ARHGEF3: variants seen among roughly 807,000 people sequenced by gnomAD.
ARHGEF3 encodes the protein 59.8 kDA protein.
Under a neutral mutation model 63.2 loss-of-function variants are expected in ARHGEF3, and 28 were observed. The ratio of observed to expected loss-of-function variants is 0.44; its 90% confidence interval spans 0.33 to 0.61. The LOEUF is 0.61. ARHGEF3 is among the 20% of genes least tolerant of loss of function. The pLI is 0.03. For missense variants in ARHGEF3, 533 were observed against 659.3 expected, an observed-to-expected ratio of 0.81 and a Z score of 2.10; for synonymous variants, 266 against 254.2, an observed-to-expected ratio of 1.05 and a Z score of -0.44.
At chr3:57,007,294 C>A (rs1313006968) in intron 2 of ARHGEF3, 2 of 1,289,644 alleles carry the variant, frequency 1.6e-6, no homozygotes, top group Non-Finnish European at 2.0e-6. Flanking sequence ...ACCAGTTGTT[C>A]CTGCCATTGA....
rs1477303100 is a variant in ARHGEF3 at position 56,758,206 on chromosome 3, G to A, written c.205-3055C>T. Reference sequence around the variant, plus strand: ...TGAGGCAGAAGAATTGCTTGAACCCGTGAAGTGGAGATTGTAGTAAGCTGA... The same window carrying A: ...TGAGGCAGAAGAATTGCTTGAACCCATGAAGTGGAGATTGTAGTAAGCTGA... On this transcript the variant is annotated intron_variant, in intron 2 of 9. Transcript: ENST00000296315. Among the ~76,000 whole-genome samples the A allele has an allele frequency of 2.6e-5, 4 of 151,508 alleles. No individual in the cohort carries two copies. The East Asian group carries it at 5.9e-4, about 22-fold the overall frequency.
chr3:57,045,961 T>C (rs574480959), intron 1 of ARHGEF3, among the ~76,000 whole-genome samples: 1 of 152,328 alleles, frequency 6.6e-6, no homozygotes, highest in South Asian at 2.1e-4. Flanking sequence ...CTCGTTATCA[T>C]TCATTACTTG....
At chr3:57,058,871 TCTCA>T (rs1408756263) in intron 1 of ARHGEF3, among the ~76,000 whole-genome samples, 22 of 151,690 alleles carry the variant, frequency 1.5e-4, no homozygotes, top group Admixed American at 5.3e-4. Flanking sequence ...AAACTATCAT[TCTCA>T]GCAAACTATC....
chr3:56,737,138 G>A, intron 8 of ARHGEF3, 47 bp downstream of exon 8: 2 of 1,515,960 alleles, frequency 1.3e-6, no homozygotes, highest in Non-Finnish European at 9.0e-7. Flanking sequence ...AAATGAATTA[G>A]GGATACGGGA....
intron 2 of ARHGEF3, among the ~76,000 whole-genome samples, chr3:56,770,640 T>C (rs956918914): frequency 1.3e-5 from 2 of 152,084 alleles, no homozygotes; most frequent in Admixed American, 6.5e-5. Context: ...TCTGCAAACA[T>C]GGCTGCTAAC....
chr3:56,880,384 G>A (rs1337158141), intron 4 of ARHGEF3, among the ~76,000 whole-genome samples: 3 of 152,196 alleles, frequency 2.0e-5, no homozygotes, highest in African/African-American at 7.2e-5. Flanking sequence ...GACCTTGATG[G>A]GAAGTCAAGG....
At chr3:57,030,526 A>G (rs1703688810) in intron 2 of ARHGEF3, among the ~76,000 whole-genome samples, 1 of 152,186 alleles carries the variant, frequency 6.6e-6, no homozygotes, top group African/African-American at 2.4e-5. Context: ...CCTAAATTAA[A>G]TCTTCCCATT....
intron 4 of ARHGEF3, among the ~76,000 whole-genome samples, chr3:56,836,544 C>T (rs1489507531): frequency 1.3e-5 from 2 of 152,154 alleles, no homozygotes; most frequent in African/African-American, 4.8e-5. Context: ...CCATTCCCTG[C>T]CTACCTGGAT....
intron 2 of ARHGEF3, among the ~76,000 whole-genome samples, chr3:56,968,740 AG>A (rs949391100): frequency 2.0e-5 from 3 of 152,158 alleles, no homozygotes; most frequent in African/African-American, 7.2e-5. Context: ...ACAGGAAAAA[AG>A]TGTTAGAGAT....
chr3:56,995,609 A>C (rs1158367668), intron 2 of ARHGEF3, among the ~76,000 whole-genome samples: 2 of 134,356 alleles, frequency 1.5e-5, no homozygotes, highest in Non-Finnish European at 3.1e-5. Flanking sequence ...GGCAAAAGAG[A>C]GTAAATTTTC....
chr3:57,013,656 T>C (rs955946059), intron 2 of ARHGEF3, among the ~76,000 whole-genome samples: 1 of 152,216 alleles, frequency 6.6e-6, no homozygotes, highest in African/African-American at 2.4e-5. Context: ...GCTCAAGGTT[T>C]GTAAATGCAC....
intron 4 of ARHGEF3, among the ~76,000 whole-genome samples, chr3:56,870,247 CA>C (rs2040393437): frequency 6.6e-6 from 1 of 151,994 alleles, no homozygotes; most frequent in Non-Finnish European, 1.5e-5. Flanking sequence ...AATGGATAAA[CA>C]AACTGTGGTA....
intron 7 of ARHGEF3, among the ~76,000 whole-genome samples, chr3:56,740,870 C>A (rs537838542): frequency 6.6e-6 from 1 of 152,280 alleles, no homozygotes; most frequent in East Asian, 1.9e-4. Flanking sequence ...AAAGAAGATG[C>A]GCTATAGTCA....
At chr3:56,833,576 C>T (rs1172733776) in intron 4 of ARHGEF3, among the ~76,000 whole-genome samples, 3 of 152,312 alleles carry the variant, frequency 2.0e-5, no homozygotes, top group Admixed American at 6.5e-5. Flanking sequence ...CCCTACACCA[C>T]ATTTTATTTA....
chr3:56,736,455 A>T (rs933580073), intron 8 of ARHGEF3, among the ~76,000 whole-genome samples: 4 of 152,258 alleles, frequency 2.6e-5, no homozygotes, highest in African/African-American at 4.8e-5. Flanking sequence ...GTTATTTTTA[A>T]AAAATTGGTT....
chr3:56,938,019 G>A (rs1212400711), intron 3 of ARHGEF3, among the ~76,000 whole-genome samples: 1 of 152,228 alleles, frequency 6.6e-6, no homozygotes, highest in Non-Finnish European at 1.5e-5. Flanking sequence ...TCATGTAGCA[G>A]TATTCTGCTG....
At chr3:56,877,312 AAT>A (rs2040618086) in intron 4 of ARHGEF3, among the ~76,000 whole-genome samples, 1 of 152,166 alleles carries the variant, frequency 6.6e-6, no homozygotes, top group Non-Finnish European at 1.5e-5. Flanking sequence ...AATATTTCAT[AAT>A]ATGACACGTT....
chr3:56,991,495 T>G (rs1244600501), intron 2 of ARHGEF3, among the ~76,000 whole-genome samples: 1 of 152,262 alleles, frequency 6.6e-6, no homozygotes, highest in African/African-American at 2.4e-5. Context: ...GCCCAGACTC[T>G]GTAAAGTTAA....
chr3:56,889,866 A>C (rs1157049119), intron 3 of ARHGEF3, among the ~76,000 whole-genome samples: 1 of 152,214 alleles, frequency 6.6e-6, no homozygotes, highest in African/African-American at 2.4e-5. Flanking sequence ...GTTTGAGACC[A>C]GCCTGGCCAA....
Sources: gnomAD v4.1 joint callset for allele counts (sites outside exome capture counted in the v4.1 genomes callset) on GRCh38, gnomAD v4.1.1 for gene constraint, MANE v1.5 for transcripts, NCBI Gene and HGNC (gene_info 2026-07-23, HGNC 2026-07-21) for gene names.